Variants in DPP6 observed in about 807,000 individuals in gnomAD.
The protein encoded by DPP6 is A-type potassium channel modulatory protein DPP6.
A neutral mutation model predicts 122.6 loss-of-function variants in DPP6; 69 were observed. The ratio of observed to expected loss-of-function variants is 0.56; its 90% CI spans 0.46 to 0.69. DPP6 has a LOEUF of 0.69. Ranked by LOEUF, DPP6 falls within the 30% of genes least tolerant of loss-of-function variation. The probability of loss-of-function intolerance (pLI) is 0.00; values close to 1 mark genes in which losing one functional copy is unlikely to be tolerated. For missense variants in DPP6, 928 were observed against 1,116.9 expected (o/e 0.83, Z 2.41); for synonymous variants, 418 against 433.1 (o/e 0.97, Z 0.43).
intron 7 of DPP6, among the ~76,000 whole-genome samples, chr7:154,714,511 C>T (rs114121522): frequency 0.01 from 1,555 of 152,224 alleles, 23 homozygotes; most frequent in African/African-American, 0.035. Context: ...GGAACCTCTT[C>T]GCAGGGCAGC....
At chr7:154,183,737 A>G (rs1429589022) in intron 1 of DPP6, among the ~76,000 whole-genome samples, 2 of 152,232 alleles carry the variant, frequency 1.3e-5, no homozygotes, top group Non-Finnish European at 2.9e-5. Flanking sequence ...AACACCGGAT[A>G]GAAACCCCAC....
At chr7:154,533,648 A>G (rs150541519) in intron 3 of DPP6, among the ~76,000 whole-genome samples, 1 of 152,148 alleles carries the variant, frequency 6.6e-6, no homozygotes, top group Non-Finnish European at 1.5e-5. Flanking sequence ...AAGAATTAAG[A>G]CCAATATCCT....
At chr7:154,793,224 G>A (rs1055895545) in intron 10 of DPP6, among the ~76,000 whole-genome samples, 1 of 152,204 alleles carries the variant, frequency 6.6e-6, no homozygotes, top group Non-Finnish European at 1.5e-5. Context: ...GAGAAGGGGT[G>A]AATGATTGAA....
At chr7:154,765,887 T>C (rs1331865063) in intron 8 of DPP6, among the ~76,000 whole-genome samples, 1 of 152,268 alleles carries the variant, frequency 6.6e-6, no homozygotes, top group Non-Finnish European at 1.5e-5. Context: ...GGTTTTCTTC[T>C]GCAAAACTCT....
intron 5 of DPP6, among the ~76,000 whole-genome samples, chr7:154,629,471 T>G (rs957095889): frequency 2.0e-5 from 3 of 152,192 alleles, no homozygotes; most frequent in African/African-American, 7.2e-5. Flanking sequence ...CTTTTCTCTG[T>G]GTTAACTTTT....
the DPP6 span, among the ~76,000 whole-genome samples, chr7:153,844,204 A>G: frequency 6.6e-5 from 10 of 152,292 alleles, no homozygotes; most frequent in African/African-American, 2.2e-4. Flanking sequence ...GCAATTTTGT[A>G]TTTACAATAA....
intron 5 of DPP6, among the ~76,000 whole-genome samples, chr7:154,585,878 C>A (rs1020522872): frequency 2.0e-5 from 3 of 152,060 alleles, no homozygotes; most frequent in African/African-American, 7.2e-5. Context: ...GGGGCGGGAG[C>A]CTACAGGAAG....
At chr7:154,627,813 G>A (rs1277296335) in intron 5 of DPP6, among the ~76,000 whole-genome samples, 1 of 152,206 alleles carries the variant, frequency 6.6e-6, no homozygotes, top group Non-Finnish European at 1.5e-5. Context: ...CCCAGTGAGA[G>A]GTACAAATGC....
intron 1 of DPP6, among the ~76,000 whole-genome samples, chr7:154,024,742 A>C (rs1221860701): frequency 6.6e-6 from 1 of 152,240 alleles, no homozygotes; most frequent in Non-Finnish European, 1.5e-5. Flanking sequence ...TCATAAATGG[A>C]GTCCGAGCAG....
At chr7:154,781,630 C>A (rs111754978) in intron 10 of DPP6, among the ~76,000 whole-genome samples, 3 of 152,172 alleles carry the variant, frequency 2.0e-5, no homozygotes, top group African/African-American at 7.2e-5. Flanking sequence ...AGTAGAGCAG[C>A]GCTTGGTATT....
In DPP6 at chr7:154,868,149, G is replaced by A. The variant is rs188639622; in HGVS notation, c.1813+56G>A. On this transcript the variant is annotated intron_variant, in intron 18 of 25. Transcript: ENST00000377770. ...AAAAGAAAAAGAAAACGTGGGCTGT[G>A]ACACAGTGCAGTCATCAGCAGCAGG... 5 of 1,548,816 alleles carry A rather than the reference G, an allele frequency of 3.2e-6. No individual in the cohort carries two copies. The Admixed American group carries it at 9.9e-5, about 31-fold the overall frequency.
chr7:154,633,376 A>T (rs979100832), intron 5 of DPP6, among the ~76,000 whole-genome samples: 4 of 152,114 alleles, frequency 2.6e-5, no homozygotes, highest in African/African-American at 9.7e-5. Context: ...AGCTGCGATT[A>T]CAGGCACCCG....
At chr7:154,417,381 G>T (rs1817117010) in intron 1 of DPP6, among the ~76,000 whole-genome samples, 1 of 152,280 alleles carries the variant, frequency 6.6e-6, no homozygotes, top group East Asian at 1.9e-4. Context: ...AGCACTGGAG[G>T]TATTTAAATG....
chr7:154,304,894 C>G (rs1238619063), intron 1 of DPP6, among the ~76,000 whole-genome samples: 1 of 152,186 alleles, frequency 6.6e-6, no homozygotes, highest in African/African-American at 2.4e-5. Context: ...CTGTCTGGCG[C>G]GCCCTGCGTG....
At chr7:154,873,805 C>A (rs1431484123) in intron 19 of DPP6, among the ~76,000 whole-genome samples, 5 of 132,878 alleles carry the variant, frequency 3.8e-5, no homozygotes, top group Admixed American at 9.7e-5. Flanking sequence ...CATGCATCCA[C>A]ACACACACAT....
At chr7:153,777,550 C>G in the DPP6 span, among the ~76,000 whole-genome samples, 1 of 110,320 alleles carries the variant, frequency 9.1e-6, no homozygotes, top group Non-Finnish European at 1.8e-5. Flanking sequence ...GAGTACTACT[C>G]ACTGATAAAA....
chr7:154,443,377 T>C (rs749158132), intron 1 of DPP6, among the ~76,000 whole-genome samples: 14 of 152,238 alleles, frequency 9.2e-5, no homozygotes, highest in Non-Finnish European at 1.9e-4. Context: ...TGAAAGCCAT[T>C]CAACTTCTGT....
At chr7:153,812,966 A>AT in the DPP6 span, among the ~76,000 whole-genome samples, 1 of 152,166 alleles carries the variant, frequency 6.6e-6, no homozygotes, top group Non-Finnish European at 1.5e-5. Flanking sequence ...AAGATGGGTC[A>AT]TTGAGGGTAT....
At chr7:154,484,458 T>A (rs1022663664) in intron 3 of DPP6, among the ~76,000 whole-genome samples, 1 of 152,200 alleles carries the variant, frequency 6.6e-6, no homozygotes, top group South Asian at 2.1e-4. Context: ...GCCTCCTGCA[T>A]CCTTCAAGGG....
Sources: gnomAD v4.1 joint callset for allele counts (sites outside exome capture counted in the v4.1 genomes callset) on GRCh38, gnomAD v4.1.1 for gene constraint, MANE v1.5 for transcripts, NCBI Gene and HGNC (gene_info 2026-07-23, HGNC 2026-07-21) for gene names.